The following LOC122539214 variants were observed in gnomAD, a reference collection of about 807,000 sequenced individuals.
At chr19:52,660,508 C>T in the LOC122539214 span, among the ~76,000 whole-genome samples, 1 of 149,304 alleles carries the variant, frequency 6.7e-6, no homozygotes, top group Non-Finnish European at 1.5e-5. Flanking sequence ...ATCACAGCTG[C>T]TTGGGATGCT....
the LOC122539214 span, among the ~76,000 whole-genome samples, chr19:52,674,571 G>T: frequency 6.6e-6 from 1 of 152,152 alleles, no homozygotes; most frequent in Non-Finnish European, 1.5e-5. Flanking sequence ...AACATTCAGT[G>T]GATTTGCAGA....
chr19:52,678,189 A>G, the LOC122539214 span, among the ~76,000 whole-genome samples: 1 of 152,082 alleles, frequency 6.6e-6, no homozygotes, highest in Non-Finnish European at 1.5e-5. Flanking sequence ...TCGGTGGCTC[A>G]AGCCTGTAAT....
chr19:52,681,870 C>T, the LOC122539214 span, among the ~76,000 whole-genome samples: 2 of 152,122 alleles, frequency 1.3e-5, no homozygotes, highest in Non-Finnish European at 2.9e-5. Context: ...CCTTTTAAGA[C>T]AGAGTCTCAC....
At chr19:52,670,505 T>G in the LOC122539214 span, among the ~76,000 whole-genome samples, 1 of 152,114 alleles carries the variant, frequency 6.6e-6, no homozygotes, top group Non-Finnish European at 1.5e-5. Context: ...AAAAGAAAAT[T>G]TTATATTTGG....
At chr19:52,683,634 G>C in the LOC122539214 span, among the ~76,000 whole-genome samples, 4 of 152,240 alleles carry the variant, frequency 2.6e-5, no homozygotes, top group African/African-American at 9.6e-5. Context: ...GACAAAAATG[G>C]AGATGCCTCA....
the LOC122539214 span, among the ~76,000 whole-genome samples, chr19:52,670,288 C>A: frequency 6.6e-6 from 1 of 152,150 alleles, no homozygotes; most frequent in African/African-American, 2.4e-5. Flanking sequence ...CCAAACCACT[C>A]ACCTTGTCAC....
At chr19:52,676,148 T>C in the LOC122539214 span, among the ~76,000 whole-genome samples, 3 of 151,978 alleles carry the variant, frequency 2.0e-5, no homozygotes, top group Non-Finnish European at 2.9e-5. Flanking sequence ...GCCTGACTGG[T>C]TTTCGTATTT....
the LOC122539214 span, among the ~76,000 whole-genome samples, chr19:52,669,618 C>T: frequency 6.6e-6 from 1 of 152,186 alleles, no homozygotes; most frequent in Non-Finnish European, 1.5e-5. Context: ...AAAGACATTG[C>T]AAGGTCTGAC....
chr19:52,686,508 A>C, the LOC122539214 span, among the ~76,000 whole-genome samples: 3 of 151,200 alleles, frequency 2.0e-5, no homozygotes, highest in Non-Finnish European at 4.4e-5. Flanking sequence ...AGAAAGAAAA[A>C]AAAAAAGAAA....
the LOC122539214 span, among the ~76,000 whole-genome samples, chr19:52,660,554 G>T: frequency 1.3e-5 from 2 of 152,024 alleles, no homozygotes; most frequent in Non-Finnish European, 1.5e-5. Flanking sequence ...GGAGGTGGAG[G>T]TTACAGTGAT....
chr19:52,672,576 C>T, the LOC122539214 span, among the ~76,000 whole-genome samples: 1 of 152,280 alleles, frequency 6.6e-6, no homozygotes, highest in South Asian at 2.1e-4. Context: ...AGCACCTCAT[C>T]TTTATGTTTT....
At chr19:52,659,111 T>C in the LOC122539214 span, among the ~76,000 whole-genome samples, 2 of 152,080 alleles carry the variant, frequency 1.3e-5, no homozygotes, top group Non-Finnish European at 2.9e-5. Context: ...TAATGCCCTC[T>C]TGTGAGGAGC....
chr19:52,685,811 T>C, the LOC122539214 span, among the ~76,000 whole-genome samples: 1 of 149,058 alleles, frequency 6.7e-6, no homozygotes, highest in Non-Finnish European at 1.5e-5. Flanking sequence ...AGCAGGAGAA[T>C]CACTTAAATC....
chr19:52,683,278 GTGTA>G, the LOC122539214 span, among the ~76,000 whole-genome samples: 3 of 101,030 alleles, frequency 3.0e-5, no homozygotes, highest in Non-Finnish European at 4.4e-5. Flanking sequence ...GTGTGTGTGT[GTGTA>G]TGCTCACGTG....
the LOC122539214 span, among the ~76,000 whole-genome samples, chr19:52,689,392 C>CCT: frequency 4.7e-5 from 7 of 148,644 alleles, no homozygotes; most frequent in East Asian, 7.9e-4. Context: ...GTTATACCCT[C>CCT]ATCCCCACTC....
the LOC122539214 span, chr19:52,653,114 G>A: frequency 2.1e-6 from 3 of 1,462,774 alleles, no homozygotes; most frequent in Middle Eastern, 1.8e-4. Flanking sequence ...GATGAATTTC[G>A]AGCAAAGGTC....
the LOC122539214 span, among the ~76,000 whole-genome samples, chr19:52,666,023 G>A: frequency 6.6e-6 from 1 of 151,934 alleles, no homozygotes; most frequent in Non-Finnish European, 1.5e-5. Flanking sequence ...AATTAGCCGG[G>A]CATGGTGATG....
the LOC122539214 span, among the ~76,000 whole-genome samples, chr19:52,675,825 C>A: frequency 2.0e-5 from 3 of 152,148 alleles, no homozygotes; most frequent in Admixed American, 2.0e-4. Context: ...GAAAGTGGAA[C>A]TAATTTAGCA....
the LOC122539214 span, among the ~76,000 whole-genome samples, chr19:52,665,762 C>A: frequency 6.6e-6 from 1 of 152,264 alleles, no homozygotes; most frequent in Non-Finnish European, 1.5e-5. Flanking sequence ...GGGAATGACA[C>A]AGCAGCAGGG....
Sources: allele counts gnomAD v4.1 joint callset (sites outside exome capture counted in the v4.1 genomes callset), GRCh38; gene constraint gnomAD v4.1.1; transcripts MANE v1.5.